LOXHD1: variants seen among roughly 807,000 people sequenced by gnomAD.
LOXHD1 encodes lipoxygenase homology PLAT domains 1, also known as lipoxygenase homology domain-containing protein 1.
A neutral mutation model predicts 248.2 loss-of-function variants in LOXHD1; 205 were observed. That is an observed-to-expected ratio of 0.83 (90% CI 0.74 to 0.93). The LOEUF (loss-of-function observed/expected upper bound fraction) is 0.93. LOXHD1 is among the 40% of genes least tolerant of loss of function. The pLI is 0.00. For synonymous variants in LOXHD1, 1,113 were observed against 1,162.8 expected (o/e 0.96, Z 0.87); for missense variants, 2,930 against 2,971.6 (o/e 0.99, Z 0.33).
At position 46,640,789 on chromosome 18, in the gene LOXHD1, C is replaced by T. The variant is rs117243386; in HGVS notation, c.327-989G>A. Among the ~76,000 whole-genome samples the T allele has an allele frequency of 3.2e-3, 485 of 152,240 alleles. 2 individuals carry two copies. The highest frequency in any genetic ancestry group is 0.022 in the Admixed American group (335 of 15,292). ...TAGATTCAGACTCTTCAAAATCTGTCCCTAAAATCTTCTAACACTTCCCAT... is the reference window on the plus strand; with the variant it reads ...TAGATTCAGACTCTTCAAAATCTGTTCCTAAAATCTTCTAACACTTCCCAT... On this transcript the variant is annotated intron_variant, in intron 3 of 40. Transcript: ENST00000642948.
At position 46,524,936 on chromosome 18, in the gene LOXHD1, G is replaced by A. The variant is rs117403100; in HGVS notation, c.4531-19C>T. The A allele has an allele frequency of 0.035, 54,372 of 1,551,238 alleles. 1,134 individuals are homozygous for A. The highest frequency in any genetic ancestry group is 0.039 in the Non-Finnish European group (44,774 of 1,146,792). ...TGTCAGCCTGGGGAGCCCAGATGTGGGGACTCATATGGGGGTGTGCCACCC... is the reference window on the plus strand; with the variant it reads ...TGTCAGCCTGGGGAGCCCAGATGTGAGGACTCATATGGGGGTGTGCCACCC... On this transcript the variant is annotated intron_variant, in intron 29 of 40. Coordinates refer to ENST00000642948, the MANE Select transcript of LOXHD1 (RefSeq NM_001384474.1).
At chr18:46,501,500 T>C (rs777597621) in intron 37 of LOXHD1, among the ~76,000 whole-genome samples, 5 of 152,188 alleles carry the variant, frequency 3.3e-5, no homozygotes, top group Admixed American at 2.0e-4. Context: ...CCAGAGATGA[T>C]ACATGTTAGA....
In LOXHD1 at chr18:46,560,303, G is replaced by C; in HGVS notation, c.2841C>G (p.Asp947Glu). 6.4e-7 allele frequency: 1 copy of C among 1,551,234 alleles called. No individual in the cohort carries two copies. Among genetic ancestry groups the C allele is most frequent in the Non-Finnish European group, 8.7e-7 (1 of 1,146,542 alleles). ...QRKKKKRKGSDEEDEGEEEES... is the reference protein window; with the variant it reads ...QRKKKKRKGSEEEDEGEEEES... Reference sequence around the variant, plus strand: ...CCTCTTCCTCCCCCTCGTCCTCTTCGTCGCTGCCCTTCCTCTTCTTCTTCT... The same window carrying C: ...CCTCTTCCTCCCCCTCGTCCTCTTCCTCGCTGCCCTTCCTCTTCTTCTTCT... Residue 947 changes from aspartate to glutamate, a missense_variant, in exon 19 of 41, where the codon GAC (aspartate) becomes GAG (glutamate). Physicochemically the swap from Asp to Glu is conservative, Grantham distance 45. Coordinates refer to ENST00000642948, the MANE Select transcript of LOXHD1 (RefSeq NM_001384474.1).
At chr18:46,493,894 T>A (rs567150675) in intron 37 of LOXHD1, among the ~76,000 whole-genome samples, 1 of 152,196 alleles carries the variant, frequency 6.6e-6, no homozygotes, top group African/African-American at 2.4e-5. Context: ...CTGACTCCAA[T>A]CATCTTATCT....
intron 4 of LOXHD1, among the ~76,000 whole-genome samples, chr18:46,631,038 A>C (rs1371052641): frequency 1.3e-5 from 2 of 152,114 alleles, no homozygotes; most frequent in Non-Finnish European, 2.9e-5. Flanking sequence ...TGTCTTTATA[A>C]TCAGATGTGT....
chr18:46,647,603 C>T (rs906841941), intron 2 of LOXHD1, among the ~76,000 whole-genome samples: 2 of 152,198 alleles, frequency 1.3e-5, no homozygotes, highest in African/African-American at 4.8e-5. Context: ...CCCACATCAT[C>T]GGACGGAAAG....
In LOXHD1 at chr18:46,538,342, G is replaced by A. The variant is rs375003767; in HGVS notation, c.3914-5C>T. ...GGGTGATCTCGTAAGGAACAACTGA[G>A]GGTGGTGGTCAGAGGGCAAAGCCAG... On this transcript the variant is annotated splice_polypyrimidine_tract_variant and splice_region_variant and intron_variant, in intron 25 of 40. Transcript: ENST00000642948. 1.3e-6 allele frequency: 2 copies of A among 1,543,848 alleles called. No individual in the cohort carries two copies. The highest frequency in any genetic ancestry group is 1.8e-6 in the Non-Finnish European group (2 of 1,140,444).
At chr18:46,589,305 C>A (rs79065169) in intron 12 of LOXHD1, among the ~76,000 whole-genome samples, 1 of 152,304 alleles carries the variant, frequency 6.6e-6, no homozygotes, top group Non-Finnish European at 1.5e-5. Context: ...GTTACCTCCT[C>A]CTCCCTGCTC....
intron 12 of LOXHD1, among the ~76,000 whole-genome samples, chr18:46,584,086 T>C (rs2038014453): frequency 6.6e-6 from 1 of 151,996 alleles, no homozygotes; most frequent in Non-Finnish European, 1.5e-5. Flanking sequence ...TTAAGTGAAA[T>C]AAGCCAGACG....
chr18:46,551,632 C>T (rs2365337), intron 21 of LOXHD1, among the ~76,000 whole-genome samples: 87,060 of 151,752 alleles, frequency 0.57, 26,887 homozygotes, highest in Non-Finnish European at 0.7. Flanking sequence ...TCAGAGTGGC[C>T]AAGGAGCAGG....
chr18:46,571,043 AG>A (rs1212901443), intron 15 of LOXHD1, among the ~76,000 whole-genome samples: 2 of 152,188 alleles, frequency 1.3e-5, no homozygotes, highest in African/African-American at 4.8e-5. Flanking sequence ...GAGGGGGAAT[AG>A]GGGTCCTTTT....
At chr18:46,553,723 T>C (rs1280567964) in intron 21 of LOXHD1, among the ~76,000 whole-genome samples, 2 of 152,134 alleles carry the variant, frequency 1.3e-5, no homozygotes, top group Non-Finnish European at 2.9e-5. Flanking sequence ...ATACACAAGC[T>C]TTTTGTAGGT....
In LOXHD1 at chr18:46,630,778, G is replaced by GT. The variant is rs367750831; in HGVS notation, c.511+8837_511+8838insA. ...CAACATCAAAGTGGGTATGGGGGGG[G>GT]GTGTGAAATCAGTGGGTGGGAGACA... is the stretch of plus-strand genomic sequence containing the variant. On this transcript the variant is annotated intron_variant, in intron 4 of 40. Coordinates refer to ENST00000642948, the MANE Select transcript of LOXHD1 (RefSeq NM_001384474.1). 1.6e-4 allele frequency among the ~76,000 whole-genome samples: 24 copies of GT among 151,848 alleles called. No individual in the cohort carries two copies. In the South Asian group the frequency reaches 4.4e-3, roughly 28 times the overall value.
chr18:46,580,334 A>T (rs1025912600), intron 12 of LOXHD1, among the ~76,000 whole-genome samples: 1 of 152,226 alleles, frequency 6.6e-6, no homozygotes, highest in Non-Finnish European at 1.5e-5. Context: ...ACTTTTCTCC[A>T]TGAACAAGAA....
chr18:46,594,046 T>C (rs2038219325), intron 9 of LOXHD1, among the ~76,000 whole-genome samples: 1 of 152,176 alleles, frequency 6.6e-6, no homozygotes, highest in East Asian at 1.9e-4. Context: ...ACTTTCAGAG[T>C]GCACTGTAGT....
chr18:46,576,464 A>G (rs1016410415), intron 14 of LOXHD1, among the ~76,000 whole-genome samples: 1 of 151,570 alleles, frequency 6.6e-6, no homozygotes, highest in Non-Finnish European at 1.5e-5. Context: ...CCCCTTGCTC[A>G]TGCCTCATGC....
At position 46,653,930 on chromosome 18, in the gene LOXHD1, GA is replaced by G. The variant is rs145635769; in HGVS notation, c.130+2973del. 1.1e-3 allele frequency among the ~76,000 whole-genome samples: 163 copies of G among 152,330 alleles called. 1 individual carries two copies. The highest frequency in any genetic ancestry group is 6.7e-3 in the East Asian group (35 of 5,188). On this transcript the variant is annotated intron_variant, in intron 1 of 40. Coordinates refer to ENST00000642948, the MANE Select transcript of LOXHD1 (RefSeq NM_001384474.1). ...TATAGGCATTCTTCCACAGTTGCAT[GA>G]AAAGATAGGCATTTCATAAGTGGTT...
chr18:46,557,331 C>A lies in LOXHD1; in HGVS notation c.3350+25G>T, dbSNP rs937982613. On this transcript the variant is annotated intron_variant, in intron 21 of 40. Transcript: ENST00000642948. ...TGGCCTCCCTCAGAGCAACACCCCTCCCTGCCCACTGCCCCCACACTCACG... is the reference window on the plus strand; with the variant it reads ...TGGCCTCCCTCAGAGCAACACCCCTACCTGCCCACTGCCCCCACACTCACG... 2.6e-6 allele frequency: 4 copies of A among 1,552,182 alleles called. No homozygotes were observed. The African/African-American group carries it at 4.1e-5, about 16-fold the overall frequency.
At chr18:46,614,384 C>T (rs139371986) in intron 5 of LOXHD1, among the ~76,000 whole-genome samples, 10,070 of 152,026 alleles carry the variant, frequency 0.066, 474 homozygotes, top group Non-Finnish European at 0.094. Context: ...GAATACTATG[C>T]AGCCATAAAA....
Sources: allele counts gnomAD v4.1 joint callset (sites outside exome capture counted in the v4.1 genomes callset), GRCh38; gene constraint gnomAD v4.1.1; transcripts MANE v1.5; gene names NCBI Gene and HGNC (gene_info 2026-07-23, HGNC 2026-07-21).